Variants in HS6ST3 observed in about 807,000 individuals in gnomAD.
HS6ST3 encodes heparan sulfate 6-O-sulfotransferase 3.
A neutral mutation model predicts 36.7 loss-of-function variants in HS6ST3; 12 were observed. The ratio of observed to expected loss-of-function variants is 0.33; its 90% CI spans 0.21 to 0.53. HS6ST3 has a LOEUF of 0.53. Among genes scored for constraint, HS6ST3 ranks in the 20% least tolerant of loss-of-function variants. The pLI, the probability that HS6ST3 is intolerant of heterozygous loss-of-function variation, is 0.95. For missense variants in HS6ST3, 584 were observed against 640.9 expected, an observed-to-expected ratio of 0.91 and a Z score of 0.96; for synonymous variants, 240 against 257.5, an observed-to-expected ratio of 0.93 and a Z score of 0.65.
chr13:96,452,553 A>AT (rs11300062), intron 1 of HS6ST3, among the ~76,000 whole-genome samples: 35 of 151,102 alleles, frequency 2.3e-4, no homozygotes, highest in African/African-American at 5.8e-4. Flanking sequence ...TAGCTTTCTG[A>AT]TTTTTTTTTT....
At chr13:96,493,088 G>C (rs1323686026) in intron 1 of HS6ST3, among the ~76,000 whole-genome samples, 2 of 152,162 alleles carry the variant, frequency 1.3e-5, no homozygotes, top group African/African-American at 4.8e-5. Flanking sequence ...CATGTTTCTT[G>C]CTGTTTAGCT....
chr13:96,829,317 A>C (rs1006847208), intron 1 of HS6ST3, among the ~76,000 whole-genome samples: 1 of 151,208 alleles, frequency 6.6e-6, no homozygotes, highest in Non-Finnish European at 1.5e-5. Context: ...TTTTTTTTTC[A>C]ATTTTTCTTT....
intron 1 of HS6ST3, among the ~76,000 whole-genome samples, chr13:96,704,353 A>G (rs1167476108): frequency 6.6e-6 from 1 of 152,214 alleles, no homozygotes; most frequent in Non-Finnish European, 1.5e-5. Context: ...TCTGGATAGC[A>G]TACAGGACTT....
intron 1 of HS6ST3, among the ~76,000 whole-genome samples, chr13:96,665,441 G>T (rs922275566): frequency 9.2e-5 from 14 of 152,024 alleles, no homozygotes; most frequent in African/African-American, 3.1e-4. Context: ...TTATGCATAA[G>T]TATACCAAAG....
In HS6ST3 at chr13:96,351,333, T is replaced by A. The variant is rs117564160; in HGVS notation, c.707+259764T>A. Among the ~76,000 whole-genome samples the A allele has an allele frequency of 9.7e-4, 58 of 59,884 alleles. 1 individual carries two copies. The highest frequency in any genetic ancestry group is 5.5e-3 in the South Asian group (10 of 1,812). The allele number at this position is 59,884 out of a possible 152,430, so 39.3% of individuals were successfully genotyped here. A position where few individuals can be genotyped will look rare whatever the true frequency, so the allele number is the denominator to read the frequency against. On this transcript the variant is annotated intron_variant, in intron 1 of 1. Coordinates refer to ENST00000376705, the MANE Select transcript of HS6ST3 (RefSeq NM_153456.4). ...GAAGGTGGCAGTCTTTTTTTTTTTT[T>A]TTAAAAAAAACAAGGTCTTGCTGGG...
At chr13:96,263,394 CAGTTG>C (rs2054676089) in intron 1 of HS6ST3, among the ~76,000 whole-genome samples, 1 of 152,128 alleles carries the variant, frequency 6.6e-6, no homozygotes, top group African/African-American at 2.4e-5. Flanking sequence ...CCGTATTCTA[CAGTTG>C]ACTTAACTTT....
At chr13:96,451,879 A>T (rs1220895997) in intron 1 of HS6ST3, among the ~76,000 whole-genome samples, 2 of 152,148 alleles carry the variant, frequency 1.3e-5, no homozygotes, top group Non-Finnish European at 2.9e-5. Flanking sequence ...TGAATTCCTG[A>T]CATTTGGAAA....
At chr13:96,444,962 G>A (rs2055691113) in intron 1 of HS6ST3, among the ~76,000 whole-genome samples, 2 of 152,014 alleles carry the variant, frequency 1.3e-5, no homozygotes, top group East Asian at 3.9e-4. Flanking sequence ...AGCATACTAT[G>A]CTCTTTCTAA....
At chr13:96,171,664 T>A (rs2054188474) in intron 1 of HS6ST3, among the ~76,000 whole-genome samples, 1 of 152,214 alleles carries the variant, frequency 6.6e-6, no homozygotes, top group South Asian at 2.1e-4. Flanking sequence ...GAGCCCTGAG[T>A]TTCTCAGTAA....
At position 96,745,695 on chromosome 13, in the gene HS6ST3, A is replaced by G. The variant is rs186842828; in HGVS notation, c.708-86795A>G. Among the ~76,000 whole-genome samples, 525 of 152,182 alleles carry G rather than the reference A, an allele frequency of 3.4e-3. 4 individuals are homozygous for G. Among genetic ancestry groups the G allele is most frequent in the African/African-American group, 0.012 (507 of 41,548 alleles). ...AGTTAATGCAAATTCAATACCTCAG[A>G]ATTCATTTCAGTGCATTAGATTAGT... On this transcript the variant is annotated intron_variant, in intron 1 of 1. Coordinates refer to ENST00000376705, the MANE Select transcript of HS6ST3 (RefSeq NM_153456.4).
At chr13:96,722,022 T>G (rs1875861693) in intron 1 of HS6ST3, among the ~76,000 whole-genome samples, 1 of 152,046 alleles carries the variant, frequency 6.6e-6, no homozygotes, top group Non-Finnish European at 1.5e-5. Flanking sequence ...ATCCCAACAC[T>G]TTGGGAGGTT....
chr13:96,615,830 A>G (rs2056472590), intron 1 of HS6ST3, among the ~76,000 whole-genome samples: 1 of 152,212 alleles, frequency 6.6e-6, no homozygotes, highest in Admixed American at 6.5e-5. Context: ...TTTCATATCC[A>G]CACTGGTACC....
intron 1 of HS6ST3, among the ~76,000 whole-genome samples, chr13:96,131,538 C>T (rs1182220351): frequency 6.6e-6 from 1 of 152,084 alleles, no homozygotes. Context: ...ACCATACATG[C>T]TTATCATTTA....
intron 1 of HS6ST3, among the ~76,000 whole-genome samples, chr13:96,493,531 G>C (rs1159806753): frequency 6.6e-6 from 1 of 151,854 alleles, no homozygotes; most frequent in Non-Finnish European, 1.5e-5. Flanking sequence ...TGACAGTGTG[G>C]GTACTTTTGG....
At chr13:96,195,192 A>G (rs1477390018) in intron 1 of HS6ST3, among the ~76,000 whole-genome samples, 1 of 152,220 alleles carries the variant, frequency 6.6e-6, no homozygotes, top group Non-Finnish European at 1.5e-5. Context: ...CAAAAATAGC[A>G]TTAACAGACC....
intron 1 of HS6ST3, among the ~76,000 whole-genome samples, chr13:96,734,121 C>A (rs1016097182): frequency 6.6e-6 from 1 of 152,198 alleles, no homozygotes; most frequent in African/African-American, 2.4e-5. Context: ...TATAAGCTGG[C>A]CACTTCACTC....
chr13:96,796,618 T>G (rs182342131), intron 1 of HS6ST3, among the ~76,000 whole-genome samples: 10 of 152,220 alleles, frequency 6.6e-5, no homozygotes, highest in Admixed American at 6.5e-4. Flanking sequence ...TTATGAGACC[T>G]TGAACACATT....
At chr13:96,281,972 A>AATACTTATGTAAAGTTCT (rs1482615035) in intron 1 of HS6ST3, among the ~76,000 whole-genome samples, 2 of 152,218 alleles carry the variant, frequency 1.3e-5, no homozygotes, top group Non-Finnish European at 2.9e-5. Context: ...TGGTCATGAT[A>AATACTTATGTAAAGTTCT]ATACTTATGT....
chr13:96,506,605 C>T (rs2056027669), intron 1 of HS6ST3, among the ~76,000 whole-genome samples: 1 of 152,100 alleles, frequency 6.6e-6, no homozygotes, highest in Non-Finnish European at 1.5e-5. Flanking sequence ...GTGCTCAATG[C>T]AATCAGTGAA....
Sources: allele counts gnomAD v4.1 joint callset (sites outside exome capture counted in the v4.1 genomes callset), GRCh38; gene constraint gnomAD v4.1.1; transcripts MANE v1.5; gene names NCBI Gene and HGNC (gene_info 2026-07-23, HGNC 2026-07-21).